PRSS23: variants seen among roughly 807,000 people sequenced by gnomAD.
PRSS23 encodes protease, serine 23.
PRSS23 carries 25 observed loss-of-function variants against 34.7 expected under a neutral mutation model. The observed-to-expected ratio is 0.72, with a 90% CI of 0.53 to 1.01. PRSS23 has a LOEUF of 1.01. PRSS23 is among the 50% of genes least tolerant of loss of function. The pLI is 0.00. For missense variants in PRSS23, 445 were observed against 475.6 expected, an observed-to-expected ratio of 0.94 and a Z score of 0.60; for synonymous variants, 176 against 186.6, an observed-to-expected ratio of 0.94 and a Z score of 0.46.
rs560539694 is a variant in PRSS23 at position 86,808,591 on chromosome 11, C to T, written c.948C>T (p.Ser316=). 5 of 1,614,090 alleles carry T rather than the reference C, an allele frequency of 3.1e-6. No individual in the cohort carries two copies. Among genetic ancestry groups the T allele is most frequent in the East Asian group, 4.5e-5 (2 of 44,886 alleles). The change falls in exon 2 of 2, where the codon AGC becomes AGT. Residue 316 remains serine (S), a synonymous_variant. Coordinates refer to ENST00000280258, the MANE Select transcript of PRSS23 (RefSeq NM_007173.6). The part of the protein sequence containing the change: ...YQQCDAQPGA[S]GSGVYVRMWK... ...AATGCGATGCCCAGCCAGGGGCCAG[C>T]GGGTCTGGGGTCTATGTGAGGATGT...
chr11:86,949,957 A>G (rs1949275811), intron 2 of PRSS23: 1 of 152,512 alleles, frequency 6.6e-6, no homozygotes, highest in African/African-American at 2.4e-5. Flanking sequence ...CATTGTCCTA[A>G]GTAGACCAGA....
intron 2 of PRSS23, chr11:86,910,279 A>G (rs1163561320): frequency 1.3e-5 from 2 of 152,198 alleles, no homozygotes; most frequent in African/African-American, 4.8e-5. Context: ...AGGAGATGAT[A>G]GATGCTGGAA....
chr11:86,814,092 G>T (rs1403622988), downstream of PRSS23, among the ~76,000 whole-genome samples: 1 of 152,180 alleles, frequency 6.6e-6, no homozygotes, highest in Non-Finnish European at 1.5e-5. Context: ...ATTAGATTCT[G>T]CTGTGGAAAT....
intron 1 of PRSS23, among the ~76,000 whole-genome samples, chr11:86,818,288 T>C (rs758356743): frequency 6.6e-6 from 1 of 152,216 alleles, no homozygotes; most frequent in Non-Finnish European, 1.5e-5. Context: ...ATTTCCTTTA[T>C]GCTGTGCCAC....
At chr11:86,821,586 G>T in intron 1 of PRSS23, 2 of 1,607,734 alleles carry the variant, frequency 1.2e-6, no homozygotes, top group Non-Finnish European at 1.7e-6. Flanking sequence ...AGTCCGTTTA[G>T]CTCAAGACAG....
intron 2 of PRSS23, among the ~76,000 whole-genome samples, chr11:86,915,702 C>T (rs1485682397): frequency 6.6e-6 from 1 of 151,672 alleles, no homozygotes; most frequent in Non-Finnish European, 1.5e-5. Flanking sequence ...GATTGACCAA[C>T]TAAATTATAG....
chr11:86,947,231 AAACAAC>A (rs1435008177), intron 2 of PRSS23: 5 of 169,336 alleles, frequency 3.0e-5, no homozygotes, highest in East Asian at 1.7e-4. Context: ...ACAAACAAAC[AAACAAC>A]AAAAAAAAGG....
chr11:86,800,554 G>C lies in PRSS23; in HGVS notation c.-111G>C. 2 of 984,826 alleles carry C rather than the reference G, an allele frequency of 2.0e-6. No homozygotes were observed. The highest frequency in any genetic ancestry group is 2.4e-6 in the Non-Finnish European group (2 of 829,748). 61.0% of individuals were successfully genotyped at this position (984,826 alleles called of 1,614,324 possible). On this transcript the variant is annotated 5_prime_UTR_variant, in exon 1 of 2. Transcript: ENST00000280258. ...CGCCAGCTTGCTCGCACTCGGCTGT[G>C]CGGCGGGGCAGGCATGGGAGCCGCG...
At chr11:86,945,482 A>G (rs564218136) in intron 2 of PRSS23, among the ~76,000 whole-genome samples, 93 of 152,258 alleles carry the variant, frequency 6.1e-4, no homozygotes, top group African/African-American at 2.1e-3. Context: ...AATTCTGTTG[A>G]CCTTAGACTG....
intron 2 of PRSS23, among the ~76,000 whole-genome samples, chr11:86,932,306 G>A (rs1418411056): frequency 6.6e-6 from 1 of 152,188 alleles, no homozygotes; most frequent in African/African-American, 2.4e-5. Context: ...GTATTCAGCT[G>A]CTAGACTGGA....
chr11:86,902,239 A>T (rs1328121010), intron 2 of PRSS23, among the ~76,000 whole-genome samples: 1 of 152,188 alleles, frequency 6.6e-6, no homozygotes, highest in Non-Finnish European at 1.5e-5. Context: ...CATTCTCTAC[A>T]ACCCCTCCCC....
chr11:86,867,328 G>C (rs768566423), intron 2 of PRSS23, among the ~76,000 whole-genome samples: 1 of 152,158 alleles, frequency 6.6e-6, no homozygotes, highest in Non-Finnish European at 1.5e-5. Flanking sequence ...ACAATGCCTT[G>C]CACCTGAAAT....
chr11:86,823,653 G>A lies in PRSS23; in HGVS notation c.206+60G>A, dbSNP rs899229817. On this transcript the variant is annotated intron_variant, in intron 2 of 2. Transcript: ENST00000533902. ...CTTAATGGTGCTTAAATCTTTTCAT[G>A]TTTCCACATTTTCTAATGCATTTTA... 26 of 692,630 alleles carry A rather than the reference G, an allele frequency of 3.8e-5. No individual in the cohort carries two copies. The Admixed American group carries it at 5.1e-4, about 13-fold the overall frequency. The allele number at this position is 692,630 out of a possible 1,614,324, so 42.9% of individuals were successfully genotyped here.
At chr11:86,847,877 C>G (rs949482559) in intron 2 of PRSS23, among the ~76,000 whole-genome samples, 1 of 152,148 alleles carries the variant, frequency 6.6e-6, no homozygotes, top group Non-Finnish European at 1.5e-5. Flanking sequence ...CAATACTGCC[C>G]TGTGCCAAGC....
intron 2 of PRSS23, among the ~76,000 whole-genome samples, chr11:86,827,141 T>A (rs1311474949): frequency 6.6e-6 from 1 of 152,240 alleles, no homozygotes; most frequent in African/African-American, 2.4e-5. Flanking sequence ...TTTTCGTTGG[T>A]AAGCTACTGA....
chr11:86,887,909 G>A (rs770222028), intron 2 of PRSS23, among the ~76,000 whole-genome samples: 26 of 152,062 alleles, frequency 1.7e-4, no homozygotes, highest in South Asian at 2.1e-4. Context: ...AAATTTAGCC[G>A]TGTGTGGTGG....
chr11:86,833,259 G>C (rs1054993839), intron 2 of PRSS23: 3 of 1,577,714 alleles, frequency 1.9e-6, no homozygotes, highest in East Asian at 4.5e-5. Context: ...TGTCAGCCAA[G>C]GACAGGTTGG....
At chr11:86,888,099 C>A (rs1590914140) in intron 2 of PRSS23, among the ~76,000 whole-genome samples, 2 of 140,788 alleles carry the variant, frequency 1.4e-5, no homozygotes, top group African/African-American at 2.7e-5. Flanking sequence ...TGTTACTGAG[C>A]ATCAAGTTGG....
At chr11:86,858,722 A>G (rs1042295646) in intron 2 of PRSS23, among the ~76,000 whole-genome samples, 1 of 151,808 alleles carries the variant, frequency 6.6e-6, no homozygotes, top group Non-Finnish European at 1.5e-5. Flanking sequence ...GGGGGTGTAC[A>G]CAACCCTGTG....
Sources: gnomAD v4.1 joint callset for allele counts (sites outside exome capture counted in the v4.1 genomes callset) on GRCh38, gnomAD v4.1.1 for gene constraint, MANE v1.5 for transcripts, NCBI Gene and HGNC (gene_info 2026-07-23, HGNC 2026-07-21) for gene names.